Variants in AP1M2 observed in about 807,000 individuals in gnomAD.
AP1M2 encodes adaptor related protein complex 1 subunit mu 2.
AP1M2 carries 41 observed loss-of-function variants against 54.6 expected under a neutral mutation model. The observed-to-expected ratio is 0.75, with a 90% CI of 0.59 to 0.97. AP1M2 has a LOEUF of 0.97. Among genes scored for constraint, AP1M2 ranks in the 50% least tolerant of loss-of-function variants. The pLI is 0.00. For synonymous variants in AP1M2, 219 were observed against 215.9 expected, an observed-to-expected ratio of 1.01 and a Z score of -0.13; for missense variants, 507 against 561.2, an observed-to-expected ratio of 0.90 and a Z score of 0.98.
At chr19:10,578,591 T>C (rs1917325373) in intron 8 of AP1M2, among the ~76,000 whole-genome samples, 1 of 151,730 alleles carries the variant, frequency 6.6e-6, no homozygotes, top group Non-Finnish European at 1.5e-5. Flanking sequence ...GGAGATGGGG[T>C]CTAGCTCTGT....
intron 9 of AP1M2, among the ~76,000 whole-genome samples, chr19:10,576,836 G>A (rs146039829): frequency 0.016 from 2,480 of 151,722 alleles, 55 homozygotes; most frequent in African/African-American, 0.056. Context: ...TGTCCCGAGT[G>A]GCTGGGATTA....
chr19:10,575,734 T>C (rs552225455), intron 9 of AP1M2, among the ~76,000 whole-genome samples: 3 of 151,878 alleles, frequency 2.0e-5, no homozygotes, highest in Admixed American at 2.0e-4. Context: ...TCTGATTTAC[T>C]TGTATTTCTT....
chr19:10,579,286 T>G (rs1184040344), intron 7 of AP1M2, among the ~76,000 whole-genome samples: 5 of 151,916 alleles, frequency 3.3e-5, no homozygotes, highest in East Asian at 1.9e-4. Context: ...CACGGTGGCA[T>G]GCGCCTATAG....
chr19:10,573,037 C>G lies in AP1M2; in HGVS notation c.*29G>C, dbSNP rs1208095839. ...TGCATCCGGGGCTGTAAGGAAGCCC[C>G]GTGTTCAAGCCCCCATCTCTTCTCC... On this transcript the variant is annotated 3_prime_UTR_variant, in exon 12 of 12. Coordinates refer to ENST00000250244, the MANE Select transcript of AP1M2 (RefSeq NM_005498.5). 8 of 1,557,668 alleles carry G rather than the reference C, an allele frequency of 5.1e-6. No homozygotes were observed. In the East Asian group the frequency reaches 1.9e-4, roughly 37 times the overall value.
intron 9 of AP1M2, 150 bp from the exon 10 acceptor site, chr19:10,575,179 C>T: frequency 2.2e-6 from 2 of 911,538 alleles, no homozygotes; most frequent in Non-Finnish European, 3.0e-6. Context: ...TATTGAGATA[C>T]CATGTCTACA....
At position 10,572,872 on chromosome 19, in the gene AP1M2, A is replaced by C; in HGVS notation, c.*194T>G. ...TGGGGAAAGCTCCAAGGGCGAGGGA[A>C]GCAGAGAGAGTTTCTCTCCCAGCCT... On this transcript the variant is annotated 3_prime_UTR_variant, in exon 12 of 12. Coordinates refer to ENST00000250244, the MANE Select transcript of AP1M2 (RefSeq NM_005498.5). 3 of 528,502 alleles carry C rather than the reference A, an allele frequency of 5.7e-6. No homozygotes were observed. The highest frequency in any genetic ancestry group is 1.0e-5 in the Non-Finnish European group (3 of 294,894). 32.7% of individuals were successfully genotyped at this position (528,502 alleles called of 1,614,324 possible).
chr19:10,587,201 C>T lies in AP1M2; in HGVS notation c.31G>A (p.Val11Ile). ...ATGCCCAGCCTCACCTTGCCCTTAACGTCCAGAATGAAGACAGCCGAGGCG... is the reference window on the plus strand; with the variant it reads ...ATGCCCAGCCTCACCTTGCCCTTAATGTCCAGAATGAAGACAGCCGAGGCG... MSASAVFILD[V>I]KGKPLISRNY... Residue 11 changes from valine (V) to isoleucine (I), a missense_variant, in exon 1 of 12, where the codon GTT becomes ATT. Physicochemically the swap from Val to Ile is conservative, Grantham distance 29. Coordinates refer to ENST00000250244, the MANE Select transcript of AP1M2 (RefSeq NM_005498.5). The T allele has an allele frequency of 1.3e-6, 2 of 1,560,070 alleles. No individual in the cohort carries two copies. The highest frequency in any genetic ancestry group is 1.7e-6 in the Non-Finnish European group (2 of 1,151,942).
intron 7 of AP1M2, 52 bp from the exon 8 acceptor site, chr19:10,579,015 CTTTTTTT>C (rs749676329): frequency 6.7e-6 from 5 of 742,750 alleles, no homozygotes; most frequent in South Asian, 2.0e-5. Flanking sequence ...TGACTCTCTT[CTTTTTTT>C]TTTTTTTTTT....
rs367834302 is a variant in AP1M2 at position 10,574,949 on chromosome 19, G to A, written c.1128C>T (p.Ile376=). The change falls in exon 10 of 12, where the codon ATC becomes ATT. Residue 376 remains isoleucine, a synonymous_variant. Coordinates refer to ENST00000250244, the MANE Select transcript of AP1M2 (RefSeq NM_005498.5). ...EKEEVEGRPP[I]GVKFEIPYFT... ...AGTAGGGGATCTCAAACTTGACCCC[G>A]ATGGGGGGCCGGCCCTCCACCTCTT... 8.7e-5 allele frequency: 139 copies of A among 1,597,542 alleles called. 1 individual carries two copies. In the African/African-American group the frequency reaches 1.4e-3, roughly 16 times the overall value.
intron 1 of AP1M2, among the ~76,000 whole-genome samples, chr19:10,585,267 A>AGAG (rs1917596729): frequency 2.8e-5 from 4 of 140,642 alleles, no homozygotes; most frequent in Non-Finnish European, 6.1e-5. Flanking sequence ...AAAGAAGGAA[A>AGAG]GAAAGAAAGA....
At chr19:10,579,585 C>T in intron 7 of AP1M2, 131 bp downstream of exon 7, 1 of 1,084,366 alleles carries the variant, frequency 9.2e-7, no homozygotes, top group Non-Finnish European at 1.3e-6. Context: ...AACTCCTGTC[C>T]TCAAGTGATC....
At chr19:10,581,138 G>T in intron 6 of AP1M2, 128 bp downstream of exon 6, 2 of 1,338,010 alleles carry the variant, frequency 1.5e-6, no homozygotes, top group Non-Finnish European at 2.0e-6. Flanking sequence ...TGCAATACTG[G>T]CCGTGATCAG....
At chr19:10,578,998 T>A in intron 7 of AP1M2, 35 bp from the exon 8 acceptor site, 2 of 1,248,944 alleles carry the variant, frequency 1.6e-6, no homozygotes, top group Non-Finnish European at 2.3e-6. Flanking sequence ...TCTTGGAGAC[T>A]CCATGTTGAC....
At chr19:10,582,278 G>A (rs1350572631) in intron 3 of AP1M2, among the ~76,000 whole-genome samples, 1 of 151,138 alleles carries the variant, frequency 6.6e-6, no homozygotes, top group Non-Finnish European at 1.5e-5. Context: ...TCTTGATCTC[G>A]TAATCCGCCC....
At chr19:10,586,954 T>C (rs1018329455) in intron 1 of AP1M2, among the ~76,000 whole-genome samples, 4 of 152,124 alleles carry the variant, frequency 2.6e-5, no homozygotes, top group East Asian at 1.9e-4. Flanking sequence ...TTAATTCTCA[T>C]TGGGTGGGGA....
intron 8 of AP1M2, among the ~76,000 whole-genome samples, chr19:10,577,931 T>C (rs1196873935): frequency 6.6e-6 from 1 of 151,990 alleles, no homozygotes; most frequent in African/African-American, 2.4e-5. Flanking sequence ...AGACAGCGTT[T>C]CTCCATGTTG....
chr19:10,577,083 A>G, intron 9 of AP1M2, 115 bp downstream of exon 9: 1 of 1,214,228 alleles, frequency 8.2e-7, no homozygotes, highest in Non-Finnish European at 1.2e-6. Context: ...ATGAGCCATC[A>G]CACCTGACTG....
chr19:10,579,742 G>A lies in AP1M2; in HGVS notation c.790C>T (p.Leu264Phe), dbSNP rs1175666354. The change falls in exon 7 of 12, where the codon CTC (leucine) becomes TTC (phenylalanine). Residue 264 changes from leucine to phenylalanine, a missense_variant. Coordinates refer to ENST00000250244, the MANE Select transcript of AP1M2 (RefSeq NM_005498.5). ...TGGGTGCTGAGGCGGTATGACATGA[G>A]CTCAAAGTCACCATCAGGCGGGATG... is the stretch of plus-strand genomic sequence containing the variant. ...SFIPPDGDFE[L>F]MSYRLSTQVK... 1 of 1,613,870 alleles carries A rather than the reference G, an allele frequency of 6.2e-7. No homozygotes were observed. The highest frequency in any genetic ancestry group is 1.1e-5 in the South Asian group (1 of 91,054).
intron 1 of AP1M2, 168 bp downstream of exon 1, chr19:10,587,022 T>C (rs925605717): frequency 4.0e-5 from 28 of 701,382 alleles, no homozygotes; most frequent in African/African-American, 7.2e-5. Flanking sequence ...GGCGAACCCC[T>C]TGGCCTCAGG....
Sources: gnomAD v4.1 joint callset for allele counts (sites outside exome capture counted in the v4.1 genomes callset) on GRCh38, gnomAD v4.1.1 for gene constraint, MANE v1.5 for transcripts, NCBI Gene and HGNC (gene_info 2026-07-23, HGNC 2026-07-21) for gene names.